SPMIP2: variants seen among roughly 807,000 people sequenced by gnomAD.
SPMIP2 encodes sperm microtubule inner protein 2.
chr4:158,995,855 C>CA, the SPMIP2 span, among the ~76,000 whole-genome samples: 816 of 70,206 alleles, frequency 0.012, 9 homozygotes, highest in Non-Finnish European at 0.014. Context: ...GACTCCATCT[C>CA]AAAAAAAAAA....
At chr4:158,928,304 G>C in the SPMIP2 span, among the ~76,000 whole-genome samples, 1 of 152,018 alleles carries the variant, frequency 6.6e-6, no homozygotes, top group African/African-American at 2.4e-5. Flanking sequence ...TGGGGCCTTG[G>C]AGAACCTTTA....
chr4:158,915,264 T>C, the SPMIP2 span: 3 of 1,613,678 alleles, frequency 1.9e-6, no homozygotes, highest in Non-Finnish European at 2.5e-6. Context: ...CCATTTGGAA[T>C]TTCTCTGATC....
At chr4:158,895,281 A>G in the SPMIP2 span, among the ~76,000 whole-genome samples, 2 of 152,210 alleles carry the variant, frequency 1.3e-5, no homozygotes, top group Non-Finnish European at 2.9e-5. Context: ...GGCCAGAATA[A>G]TCTGAGCTAT....
chr4:159,055,027 G>T, the SPMIP2 span, among the ~76,000 whole-genome samples: 46,158 of 152,008 alleles, frequency 0.3, 7,739 homozygotes, highest in East Asian at 0.64. Flanking sequence ...CCTTATCAAG[G>T]CCCCCTGCCT....
chr4:158,971,523 A>G, the SPMIP2 span, among the ~76,000 whole-genome samples: 1 of 152,176 alleles, frequency 6.6e-6, no homozygotes, highest in East Asian at 1.9e-4. Context: ...TAAATATAAT[A>G]TCATACTAAA....
chr4:158,910,001 C>A, the SPMIP2 span, among the ~76,000 whole-genome samples: 1 of 151,846 alleles, frequency 6.6e-6, no homozygotes, highest in Non-Finnish European at 1.5e-5. Flanking sequence ...GAGATTGTGC[C>A]ACTGCACTCC....
the SPMIP2 span, among the ~76,000 whole-genome samples, chr4:158,980,612 CCTGA>C: frequency 6.6e-6 from 1 of 152,190 alleles, no homozygotes; most frequent in South Asian, 2.1e-4. Context: ...AGCAGAGAGG[CCTGA>C]CTGTTACAAG....
the SPMIP2 span, chr4:159,007,436 G>T: frequency 1.5e-6 from 1 of 675,558 alleles, no homozygotes. Flanking sequence ...GCTTGCCCTG[G>T]TTAAGCCAGG....
At chr4:159,035,364 T>A in the SPMIP2 span, among the ~76,000 whole-genome samples, 3 of 152,178 alleles carry the variant, frequency 2.0e-5, no homozygotes, top group African/African-American at 7.2e-5. Context: ...TTTGTCAATA[T>A]CAAGTCAGAA....
the SPMIP2 span, among the ~76,000 whole-genome samples, chr4:158,978,660 C>T: frequency 6.6e-6 from 1 of 152,178 alleles, no homozygotes; most frequent in African/African-American, 2.4e-5. Flanking sequence ...GATCCCTTTA[C>T]CACTTTGTAA....
the SPMIP2 span, among the ~76,000 whole-genome samples, chr4:159,056,891 A>G: frequency 1.3e-5 from 2 of 152,226 alleles, no homozygotes; most frequent in Non-Finnish European, 2.9e-5. Flanking sequence ...GCTTCTTCAA[A>G]TGAATTCTCA....
At chr4:159,050,098 G>A in the SPMIP2 span, among the ~76,000 whole-genome samples, 7 of 152,300 alleles carry the variant, frequency 4.6e-5, no homozygotes, top group East Asian at 1.4e-3. Flanking sequence ...TGACCCTGCA[G>A]GGGAAGCCAT....
the SPMIP2 span, among the ~76,000 whole-genome samples, chr4:158,991,738 G>A: frequency 6.6e-6 from 1 of 152,152 alleles, no homozygotes; most frequent in African/African-American, 2.4e-5. Context: ...TATGACAGGT[G>A]TTGAGGTCTC....
At chr4:158,950,936 G>A in the SPMIP2 span, among the ~76,000 whole-genome samples, 3 of 152,080 alleles carry the variant, frequency 2.0e-5, no homozygotes, top group Non-Finnish European at 4.4e-5. Context: ...GGGTCTGTGG[G>A]AATGTTAAAG....
the SPMIP2 span, chr4:159,007,173 G>A: frequency 1.0e-6 from 1 of 998,834 alleles, no homozygotes; most frequent in Non-Finnish European, 1.5e-6. Context: ...AACAGGTGGA[G>A]ATCTTCAGGC....
the SPMIP2 span, among the ~76,000 whole-genome samples, chr4:159,009,364 TG>T: frequency 6.6e-6 from 1 of 152,222 alleles, no homozygotes; most frequent in East Asian, 1.9e-4. Context: ...CTTAGCAATC[TG>T]TCTTAACAAT....
At chr4:159,013,818 A>AGGACATAATACTATGAAGCTTGT in the SPMIP2 span, among the ~76,000 whole-genome samples, 1 of 152,238 alleles carries the variant, frequency 6.6e-6, no homozygotes, top group Non-Finnish European at 1.5e-5. Flanking sequence ...ATGAAGCTTG[A>AGGACATAATACTATGAAGCTTGT]GGACATAATA....
chr4:158,980,360 G>A, the SPMIP2 span, among the ~76,000 whole-genome samples: 2 of 152,060 alleles, frequency 1.3e-5, no homozygotes, highest in South Asian at 4.2e-4. Flanking sequence ...TCTGCTAAAG[G>A]TCAAACTGCC....
At chr4:158,897,071 G>A in the SPMIP2 span, among the ~76,000 whole-genome samples, 4 of 150,812 alleles carry the variant, frequency 2.7e-5, no homozygotes, top group South Asian at 2.1e-4. Context: ...CAACTCCCAC[G>A]TATGAGGGAG....
Sources: allele counts gnomAD v4.1 joint callset (sites outside exome capture counted in the v4.1 genomes callset), GRCh38; gene constraint gnomAD v4.1.1; transcripts MANE v1.5; gene names NCBI Gene and HGNC (gene_info 2026-07-23, HGNC 2026-07-21).